FCN2: variants seen among roughly 807,000 people sequenced by gnomAD.
FCN2 encodes the protein ficolin-2.
In FCN2, 31 loss-of-function variants were observed where a neutral mutation model predicts 32.5. That is an observed-to-expected ratio of 0.96 (90% CI 0.72 to 1.29). FCN2 has a LOEUF of 1.29. Among genes scored for constraint, FCN2 ranks in the 50% most tolerant of loss-of-function variants. FCN2 has a pLI of 0.00. For synonymous variants in FCN2, 181 were observed against 164.5 expected (o/e 1.10, Z -0.77); for missense variants, 412 against 406.5 (o/e 1.01, Z -0.12).
At chr9:134,870,351 C>T in the FCN2 span, among the ~76,000 whole-genome samples, 406 of 152,260 alleles carry the variant, frequency 2.7e-3, 1 homozygote, top group African/African-American at 9.2e-3. This position sits in a 1 kb window ranked among gnomAD's most constrained non-coding sequence, Gnocchi z 4.3. Context: ...CTGGGAGGGC[C>T]GAGTGTAGAC....
chr9:134,883,378 A>C (rs1348688423), intron 3 of FCN2, 23 bp downstream of exon 3: 1 of 1,605,436 alleles, frequency 6.2e-7, no homozygotes. Flanking sequence ...CAAGAGTGAG[A>C]AGCGGCTTCA....
At chr9:134,885,173 C>T in intron 4 of FCN2, 66 bp from the exon 5 acceptor site, 6 of 1,607,682 alleles carry the variant, frequency 3.7e-6, no homozygotes, top group Middle Eastern at 1.7e-4. Context: ...CCCAGGCCTC[C>T]CTCCTACTGC....
chr9:134,885,244 C>T lies in FCN2; in HGVS notation c.307C>T (p.Arg103Cys), dbSNP rs55895215. Residue 103 changes from arginine (R) to cysteine (C), a missense_variant, in exon 5 of 8, where the codon CGT becomes TGT. Transcript: ENST00000291744. ...GEPQPCLTGP[R>C]TCKDLLDRGH... ...TCCCCGGGTTCCCTTCCCAGGCCCG[C>T]GTACCTGCAAGGACCTGCTAGACCG... 1,537 of 1,614,088 alleles carry T rather than the reference C, an allele frequency of 9.5e-4. 13 individuals carry two copies. In the African/African-American group the frequency reaches 0.019, roughly 20 times the overall value.
chr9:134,880,618 A>G (rs1232421064), upstream of FCN2, among the ~76,000 whole-genome samples: 1 of 152,146 alleles, frequency 6.6e-6, no homozygotes, highest in African/African-American at 2.4e-5. Flanking sequence ...GTCCCCCTGC[A>G]GGGATGACAG....
chr9:134,880,268 C>T (rs532182965), upstream of FCN2, among the ~76,000 whole-genome samples: 11 of 152,274 alleles, frequency 7.2e-5, no homozygotes, highest in South Asian at 1.0e-3. Flanking sequence ...TGGACACACA[C>T]GCATTTTCCT....
Position 134,887,188 on chromosome 9 carries a change from A to G in FCN2, c.715A>G (p.Asn239Asp), listed in dbSNP as rs139535942. ...CACAGGAGATTCCCTGACGTTCCAC[A>G]ACAACCAGTCCTTCTCCACCAAAGA... ...GSAGDSLTFH[N>D]NQSFSTKDQD... The change falls in exon 8 of 8, where the codon AAC (asparagine) becomes GAC (aspartate). Residue 239 changes from asparagine to aspartate, a missense_variant. Transcript: ENST00000291744. 8.7e-6 allele frequency: 14 copies of G among 1,614,058 alleles called. No individual in the cohort carries two copies. Among genetic ancestry groups the G allele is most frequent in the African/African-American group, 8.0e-5 (6 of 74,926 alleles).
At chr9:134,869,939 A>G in the FCN2 span, among the ~76,000 whole-genome samples, 2 of 147,888 alleles carry the variant, frequency 1.4e-5, no homozygotes, top group Admixed American at 6.7e-5. Flanking sequence ...TGGCTGCAGG[A>G]GGGGGGGGCC....
chr9:134,868,083 G>C, the FCN2 span, among the ~76,000 whole-genome samples: 1 of 152,162 alleles, frequency 6.6e-6, no homozygotes, highest in African/African-American at 2.4e-5. This position sits in a 1 kb window ranked among gnomAD's most constrained non-coding sequence, Gnocchi z 4.3. Flanking sequence ...CCCTAGATCG[G>C]GGTGGCCTCC....
At chr9:134,882,433 T>A in intron 1 of FCN2, 93 bp from the exon 2 acceptor site, 2 of 1,031,226 alleles carry the variant, frequency 1.9e-6, no homozygotes, top group South Asian at 2.5e-5. Context: ...GTCACCAAGA[T>A]GGCAGATGCC....
At chr9:134,878,242 T>C (rs1830620294), upstream of FCN2, among the ~76,000 whole-genome samples, 1 of 152,150 alleles carries the variant, frequency 6.6e-6, no homozygotes, top group African/African-American at 2.4e-5. Flanking sequence ...CTGTCCCTGA[T>C]TAATACAGGG....
At chr9:134,883,602 A>AGG (rs67911189) in intron 3 of FCN2, among the ~76,000 whole-genome samples, 7 of 58,760 alleles carry the variant, frequency 1.2e-4, no homozygotes, top group Admixed American at 4.2e-4. Flanking sequence ...CAATGTGTGT[A>AGG]GGGGGTCTCA....
At chr9:134,874,640 A>T in the FCN2 span, among the ~76,000 whole-genome samples, 34 of 152,226 alleles carry the variant, frequency 2.2e-4, no homozygotes, top group African/African-American at 8.0e-4. Context: ...GAAATTAGAT[A>T]GTATTGACCT....
At chr9:134,879,562 T>C (rs757664752), upstream of FCN2, among the ~76,000 whole-genome samples, 1 of 152,052 alleles carries the variant, frequency 6.6e-6, no homozygotes, top group Non-Finnish European at 1.5e-5. Context: ...CATATCTGCA[T>C]CTCCATGGAG....
intron 4 of FCN2, 46 bp from the exon 5 acceptor site, chr9:134,885,193 G>C: frequency 6.2e-7 from 1 of 1,613,226 alleles, no homozygotes; most frequent in South Asian, 1.1e-5. Flanking sequence ...CCTGTGCCCT[G>C]CCCAGGGCTC....
rs1588645931 is a variant in FCN2 at position 134,886,560 on chromosome 9, T to C, written c.690T>C (p.Ser230=). 1 of 1,613,840 alleles carries C rather than the reference T, an allele frequency of 6.2e-7. No homozygotes were observed. The highest frequency in any genetic ancestry group is 8.5e-7 in the Non-Finnish European group (1 of 1,179,904). Residue 230 remains serine, a synonymous_variant, in exon 7 of 8, where the codon AGT becomes AGC. Coordinates refer to ENST00000291744, the MANE Select transcript of FCN2 (RefSeq NM_004108.3). ...TCCTGGGGGCCTTCGTGGAGGGCAG[T>C]GCGGGTGAGTGTCTGCTTGGGGCTG... ...NLVLGAFVEG[S]AGDSLTFHNN... is the part of the protein sequence containing the mutation.
chr9:134,872,558 T>G, the FCN2 span, among the ~76,000 whole-genome samples: 1 of 152,232 alleles, frequency 6.6e-6, no homozygotes, highest in Non-Finnish European at 1.5e-5. Context: ...CAGTTCCACG[T>G]GGCTGGGGAG....
rs1830745472 is a variant in FCN2, at chr9:134,885,865, G to A, written c.527G>A (p.Gly176Glu). Residue 176 changes from glycine to glutamate, a missense_variant, in exon 6 of 8, where the codon GGG becomes GAG. By Grantham distance (98) the Gly-to-Glu change is moderately conservative (BLOSUM62 -2). Coordinates refer to ENST00000291744, the MANE Select transcript of FCN2 (RefSeq NM_004108.3). ...FGSRLGEFWLGNDNIHALTAQ... is the reference protein window; with the variant it reads ...FGSRLGEFWLENDNIHALTAQ... ...AGTCGGCTGGGGGAGTTCTGGCTGG[G>A]GAATGACAACATCCACGCCCTGACC... 1.9e-6 allele frequency: 3 copies of A among 1,613,812 alleles called. No individual in the cohort carries two copies. Among genetic ancestry groups the A allele is most frequent in the Non-Finnish European group, 1.7e-6 (2 of 1,179,894 alleles).
At position 134,887,051 on chromosome 9, in the gene FCN2, C is replaced by T. The variant is rs1378388814; in HGVS notation, c.695-117C>T. Reference sequence around the variant, plus strand: ...ATTGCACTTCTTGGATTGTGCAGTGCACAACCTGCCTAACCATACATGGAG... The same window carrying T: ...ATTGCACTTCTTGGATTGTGCAGTGTACAACCTGCCTAACCATACATGGAG... On this transcript the variant is annotated intron_variant, in intron 7 of 7. Transcript: ENST00000291744. 3 of 1,228,926 alleles carry T rather than the reference C, an allele frequency of 2.4e-6. 1 individual carries two copies. The highest frequency in any genetic ancestry group is 3.6e-6 in the Non-Finnish European group (3 of 835,400). 76.1% of individuals were successfully genotyped at this position (1,228,926 alleles called of 1,614,324 possible).
At chr9:134,884,032 T>C (rs915152470) in intron 3 of FCN2, among the ~76,000 whole-genome samples, 1 of 151,698 alleles carries the variant, frequency 6.6e-6, no homozygotes, top group Non-Finnish European at 1.5e-5. Flanking sequence ...CTGGCCTCTG[T>C]CCCCTGAGCA....
Sources: gnomAD v4.1 joint callset for allele counts (sites outside exome capture counted in the v4.1 genomes callset) on GRCh38, gnomAD v4.1.1 for gene constraint, Gnocchi (gnomAD v3.1) non-coding constraint, MANE v1.5 for transcripts, NCBI Gene and HGNC (gene_info 2026-07-23, HGNC 2026-07-21) for gene names.